The following SPECC1 variants were observed in gnomAD, a reference collection of about 807,000 sequenced individuals.
SPECC1 encodes sperm antigen with calponin homology and coiled-coil domains 1.
A neutral mutation model predicts 104.1 loss-of-function variants in SPECC1; 62 were observed. The observed-to-expected ratio is 0.60, with a 90% CI of 0.49 to 0.74. The LOEUF (loss-of-function observed/expected upper bound fraction) is 0.74, where lower values mean the gene tolerates loss of function less well. Among genes scored for constraint, SPECC1 ranks in the 30% least tolerant of loss-of-function variants. SPECC1 has a pLI of 0.00. For missense variants in SPECC1, 1,306 were observed against 1,310.5 expected (o/e 1.00, Z 0.05); for synonymous variants, 513 against 501.6 (o/e 1.02, Z -0.30).
At chr17:20,227,678 G>A (rs2038311190) in intron 5 of SPECC1, 58 bp downstream of exon 5, 1 of 1,513,736 alleles carries the variant, frequency 6.6e-7, no homozygotes, top group African/African-American at 1.4e-5. Flanking sequence ...ACTTTGGGAG[G>A]CTGAGGCAGG....
intron 1 of SPECC1, among the ~76,000 whole-genome samples, chr17:20,088,146 A>G (rs1197856512): frequency 6.6e-6 from 1 of 152,118 alleles, no homozygotes; most frequent in Non-Finnish European, 1.5e-5. Context: ...TGGGACAAAG[A>G]CCTTGGGCTT....
rs549999803 is a variant in SPECC1, at chr17:20,252,966, C to T, written c.2599-539C>T. The stretch of plus-strand genomic sequence containing the variant: ...CATACTGTTCTGCGTAATGGCTGCA[C>T]CATTGTACATTCCCACTAACAGTAC... On this transcript the variant is annotated intron_variant, in intron 9 of 14. Transcript: ENST00000395527. 3.9e-5 allele frequency among the ~76,000 whole-genome samples: 6 copies of T among 152,106 alleles called. No homozygotes were observed. In the East Asian group the frequency reaches 1.2e-3, roughly 29 times the overall value.
intron 9 of SPECC1, among the ~76,000 whole-genome samples, chr17:20,250,896 C>A (rs1432486687): frequency 6.7e-6 from 1 of 149,640 alleles, no homozygotes; most frequent in Non-Finnish European, 1.5e-5. Context: ...ATATTGAAGC[C>A]AACCAGAGTA....
At chr17:20,114,395 T>G (rs2152527615) in intron 3 of SPECC1, among the ~76,000 whole-genome samples, 1 of 152,286 alleles carries the variant, frequency 6.6e-6, no homozygotes. Context: ...TTTCACCATG[T>G]TAGCCAGGAT....
chr17:20,285,153 G>C (rs1161109913), intron 12 of SPECC1, among the ~76,000 whole-genome samples: 4 of 152,206 alleles, frequency 2.6e-5, no homozygotes, highest in Admixed American at 6.5e-5. Context: ...CAAGTAACCA[G>C]GCAACCAAGG....
At chr17:20,190,530 G>A (rs2035595490) in intron 3 of SPECC1, among the ~76,000 whole-genome samples, 1 of 152,144 alleles carries the variant, frequency 6.6e-6, no homozygotes, top group Non-Finnish European at 1.5e-5. Flanking sequence ...GCAAAATTGA[G>A]TGAAAAGTAC....
At chr17:20,191,025 C>T (rs1011227948) in intron 3 of SPECC1, among the ~76,000 whole-genome samples, 2 of 152,186 alleles carry the variant, frequency 1.3e-5, no homozygotes, top group Admixed American at 6.5e-5. Flanking sequence ...CAGACTGCTT[C>T]TTTAACTTAG....
chr17:20,236,117 C>A (rs1240015708), intron 7 of SPECC1, among the ~76,000 whole-genome samples: 2 of 152,140 alleles, frequency 1.3e-5, no homozygotes, highest in Non-Finnish European at 2.9e-5. Flanking sequence ...GCTGTCTTGC[C>A]ACAGATGCTC....
intron 10 of SPECC1, among the ~76,000 whole-genome samples, chr17:20,256,832 G>A (rs1255252228): frequency 6.6e-6 from 1 of 152,194 alleles, no homozygotes; most frequent in East Asian, 1.9e-4. Flanking sequence ...GGGCAACACG[G>A]CAAGACCCTG....
At chr17:20,163,115 C>T (rs772645773) in intron 3 of SPECC1, among the ~76,000 whole-genome samples, 3 of 152,200 alleles carry the variant, frequency 2.0e-5, no homozygotes, top group Non-Finnish European at 4.4e-5. Context: ...ATATATGTTA[C>T]TGTAATAAAT....
chr17:20,263,223 G>A (rs544255115), intron 12 of SPECC1, among the ~76,000 whole-genome samples: 1 of 149,290 alleles, frequency 6.7e-6, no homozygotes, highest in South Asian at 2.2e-4. Context: ...AGAACCAATA[G>A]CTATGACTTC....
At chr17:20,240,630 T>G (rs550426832) in intron 7 of SPECC1, among the ~76,000 whole-genome samples, 1 of 152,280 alleles carries the variant, frequency 6.6e-6, no homozygotes, top group African/African-American at 2.4e-5. Context: ...GTAGCACTGT[T>G]TATTACCAGA....
chr17:20,210,688 C>G (rs2037082379), intron 4 of SPECC1, among the ~76,000 whole-genome samples: 1 of 152,200 alleles, frequency 6.6e-6, no homozygotes, highest in Non-Finnish European at 1.5e-5. Flanking sequence ...ACCAGGCCTC[C>G]ACTCCCTCAC....
chr17:20,048,677 G>A (rs1443346980), intron 1 of SPECC1, among the ~76,000 whole-genome samples: 2 of 152,082 alleles, frequency 1.3e-5, no homozygotes, highest in Non-Finnish European at 2.9e-5. Context: ...AGCCTGAGGT[G>A]GGTGGATTGC....
intron 1 of SPECC1, among the ~76,000 whole-genome samples, chr17:20,093,349 C>A (rs1358594174): frequency 6.6e-6 from 1 of 152,142 alleles, no homozygotes; most frequent in Non-Finnish European, 1.5e-5. Flanking sequence ...CCTCCTAATA[C>A]CACAATGGGG....
chr17:20,050,299 T>C (rs758054134), intron 1 of SPECC1, among the ~76,000 whole-genome samples: 16 of 152,154 alleles, frequency 1.1e-4, no homozygotes, highest in Non-Finnish European at 2.1e-4. Context: ...CAACTGTGTT[T>C]TTCCTGATGC....
At chr17:20,123,994 A>C (rs1017508688) in intron 3 of SPECC1, among the ~76,000 whole-genome samples, 8 of 152,134 alleles carry the variant, frequency 5.3e-5, no homozygotes, top group Non-Finnish European at 7.4e-5. Flanking sequence ...CTGAAAGAAA[A>C]CCATGGATGG....
At position 20,205,794 on chromosome 17, in the gene SPECC1, A is replaced by G; in HGVS notation, c.1745A>G (p.Glu582Gly). Residue 582 changes from glutamate to glycine, a missense_variant, in exon 4 of 15, where the codon GAA becomes GGA. Glu to Gly is a moderately conservative substitution (Grantham distance 98). Coordinates refer to ENST00000395527, the MANE Select transcript of SPECC1 (RefSeq NM_001243439.2). Reference sequence around the variant, plus strand: ...ACGGCAGAGAGCTGCGAAGTTCAAGAAATGTTGAAAGTAGCCCGAGCAGAG... The same window carrying G: ...ACGGCAGAGAGCTGCGAAGTTCAAGGAATGTTGAAAGTAGCCCGAGCAGAG... ...EQTAESCEVQ[E>G]MLKVARAEKD... The G allele has an allele frequency of 6.2e-7, 1 of 1,614,210 alleles. No individual in the cohort carries two copies. The highest frequency in any genetic ancestry group is 8.5e-7 in the Non-Finnish European group (1 of 1,180,028).
rs543862070 is a variant in SPECC1, at chr17:20,179,645, C to G, written c.284-24688C>G. 1.1e-4 allele frequency among the ~76,000 whole-genome samples: 17 copies of G among 152,232 alleles called. No individual in the cohort carries two copies. In the East Asian group the frequency reaches 3.1e-3, roughly 28 times the overall value. Reference sequence around the variant, plus strand: ...CTTGCCCAGATATAATTCAGCGAACCAGGGCAAAAGAAGAATATTTTTAGC... The same window carrying G: ...CTTGCCCAGATATAATTCAGCGAACGAGGGCAAAAGAAGAATATTTTTAGC... On this transcript the variant is annotated intron_variant, in intron 3 of 14. Coordinates refer to ENST00000395527, the MANE Select transcript of SPECC1 (RefSeq NM_001243439.2).
Sources: gnomAD v4.1 joint callset for allele counts (sites outside exome capture counted in the v4.1 genomes callset) on GRCh38, gnomAD v4.1.1 for gene constraint, MANE v1.5 for transcripts, NCBI Gene and HGNC (gene_info 2026-07-23, HGNC 2026-07-21) for gene names.